The following PCSK5 variants were observed in gnomAD, a reference collection of about 807,000 sequenced individuals.
The protein encoded by PCSK5 is proprotein convertase subtilisin/kexin type 5, also known as prohormone convertase 5.
Under a neutral mutation model 233.2 loss-of-function variants are expected in PCSK5, and 129 were observed. The ratio of observed to expected loss-of-function variants is 0.55; its 90% CI spans 0.48 to 0.64. PCSK5 has a LOEUF of 0.64. Among genes scored for constraint, PCSK5 ranks in the 30% least tolerant of loss-of-function variants. The probability of loss-of-function intolerance (pLI) is 0.00; values close to 1 mark genes in which losing one functional copy is unlikely to be tolerated. For missense variants in PCSK5, 2,076 were observed against 2,430.1 expected (o/e 0.85, Z 3.06); for synonymous variants, 825 against 879.2 (o/e 0.94, Z 1.09).
At chr9:76,245,649 T>C (rs946933762) in intron 24 of PCSK5, among the ~76,000 whole-genome samples, 3 of 152,054 alleles carry the variant, frequency 2.0e-5, no homozygotes, top group African/African-American at 7.2e-5. Flanking sequence ...TATAAGGAAA[T>C]AGGCAAAGAG....
intron 20 of PCSK5, among the ~76,000 whole-genome samples, chr9:76,218,129 A>T (rs555127683): frequency 6.6e-6 from 1 of 152,274 alleles, no homozygotes; most frequent in Admixed American, 6.5e-5. Flanking sequence ...TCTGCTGGGG[A>T]AAAGCCCCAT....
chr9:76,042,443 G>T (rs911148348), intron 5 of PCSK5, among the ~76,000 whole-genome samples: 4 of 152,300 alleles, frequency 2.6e-5, no homozygotes, highest in Admixed American at 6.5e-5. Context: ...TTGAAGTCAG[G>T]AGTTCAAGAC....
intron 24 of PCSK5, among the ~76,000 whole-genome samples, chr9:76,246,544 T>C (rs1826604675): frequency 6.6e-6 from 1 of 151,916 alleles, no homozygotes; most frequent in African/African-American, 2.4e-5. Flanking sequence ...CCATATGCAT[T>C]TACCCTTGGA....
intron 29 of PCSK5, among the ~76,000 whole-genome samples, chr9:76,309,072 G>T (rs747657315): frequency 1.1e-4 from 17 of 152,154 alleles, no homozygotes; most frequent in African/African-American, 3.4e-4. Flanking sequence ...TTAAAAATTA[G>T]CTGGGCATGG....
At chr9:75,980,749 T>TC (rs1826239019) in intron 2 of PCSK5, among the ~76,000 whole-genome samples, 1 of 85,604 alleles carries the variant, frequency 1.2e-5, no homozygotes, top group African/African-American at 3.8e-5. Context: ...ATTCTCTGAT[T>TC]TTTTTTTTTT....
intron 3 of PCSK5, among the ~76,000 whole-genome samples, chr9:76,001,347 A>C (rs1359989495): frequency 6.6e-6 from 1 of 151,914 alleles, no homozygotes. Flanking sequence ...CTCTCTCTCT[A>C]AGTATTTTGA....
intron 30 of PCSK5, among the ~76,000 whole-genome samples, chr9:76,316,964 A>T (rs544457075): frequency 3.6e-4 from 55 of 152,230 alleles, no homozygotes; most frequent in African/African-American, 1.2e-3. Context: ...AGCTAAGGGT[A>T]CTACTGTGTG....
chr9:76,227,652 C>A, intron 21 of PCSK5, 47 bp downstream of exon 21: 1 of 1,252,832 alleles, frequency 8.0e-7, no homozygotes, highest in Non-Finnish European at 1.2e-6. Flanking sequence ...TCATGGATTG[C>A]AGGGTGGAGA....
rs547553772 is a variant in PCSK5, at chr9:75,929,467, A to G, written c.193-2912A>G. On this transcript the variant is annotated intron_variant, in intron 1 of 37. Coordinates refer to ENST00000674117, the MANE Select transcript of PCSK5 (RefSeq NM_001372043.1). ...TTAATATGAGATGGTATAATTAATG[A>G]TGCTGACCTTGCCTGGGGAGTTTTG... Among the ~76,000 whole-genome samples, 6 of 151,376 alleles carry G rather than the reference A, an allele frequency of 4.0e-5. No homozygotes were observed. The South Asian group carries it at 6.2e-4, about 16-fold the overall frequency.
At chr9:76,123,197 T>C (rs927664139) in intron 9 of PCSK5, among the ~76,000 whole-genome samples, 1 of 152,168 alleles carries the variant, frequency 6.6e-6, no homozygotes, top group Non-Finnish European at 1.5e-5. Flanking sequence ...ACAAATGTCA[T>C]GCTGTTACAT....
Position 75,963,288 on chromosome 9 carries a change from A to G in PCSK5, c.298-22844A>G, listed in dbSNP as rs180700985. ...GCTCTTCTGGGCTTCAGGCTTTGGCAGACCTGTGGAAATCACAGCTTTCCT... is the reference window on the plus strand; with the variant it reads ...GCTCTTCTGGGCTTCAGGCTTTGGCGGACCTGTGGAAATCACAGCTTTCCT... On this transcript the variant is annotated intron_variant, in intron 2 of 37. Transcript: ENST00000674117. Among the ~76,000 whole-genome samples the G allele has an allele frequency of 8.5e-5, 13 of 152,330 alleles. No homozygotes were observed. The East Asian group carries it at 2.5e-3, about 29-fold the overall frequency.
chr9:76,040,391 C>G (rs1238193280), intron 5 of PCSK5, among the ~76,000 whole-genome samples: 4 of 121,030 alleles, frequency 3.3e-5, no homozygotes, highest in African/African-American at 6.5e-5. Context: ...CTCTGTCTCT[C>G]TCTCTCTCTC....
At chr9:76,247,219 GACA>G (rs1826639339) in intron 24 of PCSK5, among the ~76,000 whole-genome samples, 1 of 152,216 alleles carries the variant, frequency 6.6e-6, no homozygotes, top group Non-Finnish European at 1.5e-5. Context: ...GCAGGTCTGT[GACA>G]GCGGCAAACA....
chr9:76,247,130 T>A (rs922109997), intron 24 of PCSK5, among the ~76,000 whole-genome samples: 2 of 152,208 alleles, frequency 1.3e-5, no homozygotes, highest in Non-Finnish European at 2.9e-5. Flanking sequence ...TTTAGCCAGA[T>A]CAGGAGTGGC....
At chr9:76,299,690 G>A (rs920315068) in intron 27 of PCSK5, among the ~76,000 whole-genome samples, 50 of 152,014 alleles carry the variant, frequency 3.3e-4, no homozygotes, top group African/African-American at 1.0e-3. Context: ...AACAACAAAC[G>A]AACAAACAAA....
intron 8 of PCSK5, among the ~76,000 whole-genome samples, chr9:76,099,421 G>A (rs900829753): frequency 7.9e-5 from 12 of 152,140 alleles, no homozygotes; most frequent in African/African-American, 1.4e-4. Context: ...GTGCATGTCC[G>A]GTCGCATTGT....
chr9:76,102,579 G>A (rs1238118702), intron 8 of PCSK5, among the ~76,000 whole-genome samples: 1 of 152,142 alleles, frequency 6.6e-6, no homozygotes, highest in Non-Finnish European at 1.5e-5. Flanking sequence ...TTGAACTGGG[G>A]TAATGCAGCT....
At chr9:76,289,517 TACAC>T (rs138282168) in intron 24 of PCSK5, among the ~76,000 whole-genome samples, 2,555 of 119,422 alleles carry the variant, frequency 0.021, 89 homozygotes, top group African/African-American at 0.066. Context: ...ACACGCAACA[TACAC>T]ACACACACAC....
intron 1 of PCSK5, among the ~76,000 whole-genome samples, chr9:75,915,293 C>T (rs1255545947): frequency 1.3e-5 from 2 of 152,188 alleles, no homozygotes; most frequent in Non-Finnish European, 2.9e-5. Flanking sequence ...TAAGTTGCTG[C>T]ATCCATCATG....
Sources: allele counts gnomAD v4.1 joint callset (sites outside exome capture counted in the v4.1 genomes callset), GRCh38; gene constraint gnomAD v4.1.1; transcripts MANE v1.5; gene names NCBI Gene and HGNC (gene_info 2026-07-23, HGNC 2026-07-21).